Variants in OPCML observed in about 807,000 individuals in gnomAD.
The protein encoded by OPCML is opioid binding protein/cell adhesion molecule like, also known as opioid-binding protein/cell adhesion molecule.
In OPCML, 13 loss-of-function variants were observed where a neutral mutation model predicts 37.8. The ratio of observed to expected loss-of-function variants is 0.34; its 90% CI spans 0.22 to 0.55. The LOEUF is 0.55. Ranked by LOEUF, OPCML falls within the 20% of genes least tolerant of loss-of-function variation. The probability of loss-of-function intolerance (pLI) is 0.91; values close to 1 mark genes in which losing one functional copy is unlikely to be tolerated. For missense variants in OPCML, 341 were observed against 435.6 expected (o/e 0.78, Z 1.93); for synonymous variants, 176 against 168.8 (o/e 1.04, Z -0.33).
In OPCML at chr11:133,047,610, G is replaced by A. The variant is rs992129363; in HGVS notation, c.62-104600C>T. ...TCCCGCAGCTGTACACAGACAGCCT[G>A]GCGACTGCTGGCCGTGGGTCACTGT... On this transcript the variant is annotated intron_variant, in intron 1 of 7. Coordinates refer to ENST00000524381, the MANE Select transcript of OPCML (RefSeq NM_001012393.5). Among the ~76,000 whole-genome samples, 3 of 152,060 alleles carry A rather than the reference G, an allele frequency of 2.0e-5. No homozygotes were observed. In the East Asian group the frequency reaches 5.8e-4, roughly 29 times the overall value.
At chr11:132,520,943 C>T (rs1298857763) in intron 4 of OPCML, among the ~76,000 whole-genome samples, 1 of 152,014 alleles carries the variant, frequency 6.6e-6, no homozygotes. Context: ...ATTCCTGGTT[C>T]CAGATCCTTG....
intron 2 of OPCML, among the ~76,000 whole-genome samples, chr11:132,782,915 G>GTATATATA (rs1331827550): frequency 4.7e-5 from 4 of 85,728 alleles, no homozygotes; most frequent in African/African-American, 1.8e-4. Flanking sequence ...TATATAGTGT[G>GTATATATA]TGTATATATA....
chr11:132,593,351 T>G (rs1306863519), intron 3 of OPCML, among the ~76,000 whole-genome samples: 1 of 152,174 alleles, frequency 6.6e-6, no homozygotes, highest in Non-Finnish European at 1.5e-5. Context: ...CGGTTTCCTG[T>G]AGACCATGGC....
chr11:132,710,770 G>T (rs373297929), intron 2 of OPCML, among the ~76,000 whole-genome samples: 48 of 152,012 alleles, frequency 3.2e-4, no homozygotes, highest in African/African-American at 1.1e-3. Context: ...TAGGAAAATT[G>T]CTTGAACATG....
intron 1 of OPCML, among the ~76,000 whole-genome samples, chr11:133,098,126 T>C (rs1949030992): frequency 6.6e-6 from 1 of 151,880 alleles, no homozygotes; most frequent in Non-Finnish European, 1.5e-5. Flanking sequence ...CCAACAAAAC[T>C]TTAGCAAATT....
intron 1 of OPCML, among the ~76,000 whole-genome samples, chr11:133,183,715 G>T (rs1371371672): frequency 6.6e-6 from 1 of 152,134 alleles, no homozygotes; most frequent in African/African-American, 2.4e-5. Context: ...TACTCAAAAT[G>T]TATTTGGAGA....
intron 1 of OPCML, among the ~76,000 whole-genome samples, chr11:133,481,478 A>AATAAATAAATAAATGT (rs1180994626): frequency 9.2e-5 from 14 of 151,968 alleles, no homozygotes; most frequent in African/African-American, 3.4e-4. Flanking sequence ...TAAATAAATA[A>AATAAATAAATAAATGT]ATGTATGTAT....
At chr11:132,554,626 C>T (rs1297930853) in intron 3 of OPCML, among the ~76,000 whole-genome samples, 1 of 152,132 alleles carries the variant, frequency 6.6e-6, no homozygotes, top group African/African-American at 2.4e-5. Context: ...TGTCTCAGCT[C>T]ATGGTGCCCT....
intron 2 of OPCML, among the ~76,000 whole-genome samples, chr11:132,706,873 T>C (rs1389869530): frequency 6.6e-6 from 1 of 152,210 alleles, no homozygotes; most frequent in Non-Finnish European, 1.5e-5. Flanking sequence ...TAGTCCTGTT[T>C]CTGATTTATT....
chr11:132,443,758 C>G (rs969263993), intron 4 of OPCML, among the ~76,000 whole-genome samples: 2 of 152,226 alleles, frequency 1.3e-5, no homozygotes, highest in Admixed American at 1.3e-4. Context: ...ACCACCTCCT[C>G]CCCACTGCTT....
chr11:133,215,407 C>T (rs1319741192), intron 1 of OPCML, among the ~76,000 whole-genome samples: 1 of 152,186 alleles, frequency 6.6e-6, no homozygotes, highest in African/African-American at 2.4e-5. Context: ...CTTGCCCTCT[C>T]GGGCAGCAGA....
At chr11:133,475,987 G>T (rs1947229839) in intron 1 of OPCML, among the ~76,000 whole-genome samples, 2 of 152,166 alleles carry the variant, frequency 1.3e-5, no homozygotes. Flanking sequence ...ATCTCCCTGG[G>T]AGTGCAAAGA....
intron 4 of OPCML, among the ~76,000 whole-genome samples, chr11:132,516,666 C>T (rs764193403): frequency 9.3e-5 from 14 of 151,114 alleles, no homozygotes; most frequent in Non-Finnish European, 1.9e-4. Flanking sequence ...AAACTAATTG[C>T]TCTTCATAAA....
At chr11:133,099,407 T>G (rs1949052796) in intron 1 of OPCML, among the ~76,000 whole-genome samples, 1 of 151,242 alleles carries the variant, frequency 6.6e-6, no homozygotes, top group African/African-American at 2.4e-5. Context: ...GGACTACAGG[T>G]GCTCACCACC....
At chr11:133,438,068 A>G (rs905254003) in intron 1 of OPCML, among the ~76,000 whole-genome samples, 6 of 152,234 alleles carry the variant, frequency 3.9e-5, no homozygotes, top group Admixed American at 3.3e-4. Context: ...ACTAAAAGTT[A>G]TAGTCAAGTT....
chr11:132,998,517 A>T (rs892175343), intron 1 of OPCML, among the ~76,000 whole-genome samples: 9 of 152,122 alleles, frequency 5.9e-5, no homozygotes, highest in African/African-American at 2.2e-4. Context: ...GTCAGTTTTC[A>T]TAGATGTTCA....
intron 2 of OPCML, among the ~76,000 whole-genome samples, chr11:132,905,877 T>C (rs116057788): frequency 0.011 from 1,730 of 152,308 alleles, 42 homozygotes; most frequent in African/African-American, 0.04. Flanking sequence ...GCAGAAGTCA[T>C]TGCCTGGTAT....
intron 2 of OPCML, among the ~76,000 whole-genome samples, chr11:132,828,524 G>A (rs1045977175): frequency 4.0e-5 from 6 of 150,960 alleles, no homozygotes; most frequent in Non-Finnish European, 7.4e-5. Context: ...TCTATTTTCT[G>A]TTTAATCTTG....
intron 3 of OPCML, among the ~76,000 whole-genome samples, chr11:132,593,264 C>T (rs1226656411): frequency 6.6e-6 from 1 of 151,994 alleles, no homozygotes; most frequent in Non-Finnish European, 1.5e-5. Flanking sequence ...GCAAGGATGT[C>T]GGTGTGGCTG....
Sources: gnomAD v4.1 joint callset for allele counts (sites outside exome capture counted in the v4.1 genomes callset) on GRCh38, gnomAD v4.1.1 for gene constraint, MANE v1.5 for transcripts, NCBI Gene and HGNC (gene_info 2026-07-23, HGNC 2026-07-21) for gene names.